Variants in ESR1 observed in about 807,000 individuals in gnomAD.
ESR1 encodes estrogen receptor.
Under a neutral mutation model 52.7 loss-of-function variants are expected in ESR1, and 12 were observed. That is an observed-to-expected ratio of 0.23 (90% CI 0.15 to 0.37). The LOEUF is 0.37. Ranked by LOEUF, ESR1 falls within the 10% of genes least tolerant of loss-of-function variation. ESR1 has a pLI of 1.00. For synonymous variants in ESR1, 305 were observed against 316.8 expected (o/e 0.96, Z 0.39); for missense variants, 584 against 779.7 (o/e 0.75, Z 2.99).
chr6:151,819,225 C>T (rs186023681), intron 1 of ESR1, among the ~76,000 whole-genome samples: 77 of 152,274 alleles, frequency 5.1e-4, no homozygotes, highest in Admixed American at 1.2e-3. Flanking sequence ...AGCACCTTTT[C>T]CCGGTACCTT....
intron 4 of ESR1, among the ~76,000 whole-genome samples, chr6:151,962,428 G>T (rs909137513): frequency 7.9e-5 from 12 of 151,856 alleles, no homozygotes; most frequent in Non-Finnish European, 1.8e-4. Flanking sequence ...TTGCCTGCTT[G>T]GGTGTTGACC....
At chr6:151,823,249 G>A (rs143253185) in intron 1 of ESR1, among the ~76,000 whole-genome samples, 133 of 152,176 alleles carry the variant, frequency 8.7e-4, no homozygotes, top group African/African-American at 3.1e-3. Context: ...TTCTGTTATG[G>A]TGCCCGTTTC....
At chr6:151,725,084 C>G (rs958996415) in intron 2 of ESR1, among the ~76,000 whole-genome samples, 1 of 152,136 alleles carries the variant, frequency 6.6e-6, no homozygotes, top group Non-Finnish European at 1.5e-5. Context: ...TAAGATCTTT[C>G]ATTTTGTGTG....
intron 1 of ESR1, among the ~76,000 whole-genome samples, chr6:151,685,208 A>G (rs998691793): frequency 6.8e-5 from 9 of 132,496 alleles, no homozygotes; most frequent in Non-Finnish European, 1.2e-4. Flanking sequence ...ATCTCGGCTC[A>G]CTGCAAGCTC....
At chr6:151,717,314 C>T (rs959199194) in intron 2 of ESR1, among the ~76,000 whole-genome samples, 3 of 152,060 alleles carry the variant, frequency 2.0e-5, no homozygotes, top group Non-Finnish European at 4.4e-5. Flanking sequence ...CCATCTTGCC[C>T]CTTGGTCTGG....
chr6:151,994,545 C>T (rs549872997), intron 4 of ESR1, among the ~76,000 whole-genome samples: 13 of 152,236 alleles, frequency 8.5e-5, no homozygotes, highest in African/African-American at 2.9e-4. Flanking sequence ...TGAGCTGATG[C>T]CCTAATATGC....
rs866644946 is a variant in ESR1, at chr6:152,032,385, G to C, written c.1235+20591G>C. Among the ~76,000 whole-genome samples, 40 of 152,194 alleles carry C rather than the reference G, an allele frequency of 2.6e-4. 1 individual carries two copies. The highest frequency in any genetic ancestry group is 1.5e-4 in the Non-Finnish European group (10 of 68,042). ...TGCAGATGACATGATTGCATATCTA[G>C]AAAACTCCATCGTCTCAGCGCAAAA... On this transcript the variant is annotated intron_variant, in intron 5 of 7. Coordinates refer to ENST00000206249, the MANE Select transcript of ESR1 (RefSeq NM_000125.4).
intron 1 of ESR1, among the ~76,000 whole-genome samples, chr6:151,670,847 C>G (rs1323170747): frequency 6.7e-6 from 1 of 149,696 alleles, no homozygotes; most frequent in East Asian, 2.0e-4. Flanking sequence ...CGGCTCACTC[C>G]AATATCCGCC....
At chr6:151,771,317 T>C (rs899615953) in intron 2 of ESR1, among the ~76,000 whole-genome samples, 4 of 152,172 alleles carry the variant, frequency 2.6e-5, no homozygotes, top group African/African-American at 9.7e-5. Context: ...AGTAGAAAAA[T>C]TGGGCACTTG....
At chr6:152,110,522 A>G (rs1255619679) in intron 6 of ESR1, among the ~76,000 whole-genome samples, 2 of 152,014 alleles carry the variant, frequency 1.3e-5, no homozygotes, top group African/African-American at 4.8e-5. Flanking sequence ...ACTGGGGCCT[A>G]TCGGGGGGTG....
intron 1 of ESR1, among the ~76,000 whole-genome samples, chr6:151,664,322 G>A (rs966861530): frequency 6.6e-6 from 1 of 152,138 alleles, no homozygotes; most frequent in Non-Finnish European, 1.5e-5. Context: ...AGAGTTTCAA[G>A]TAATTTAAAT....
rs10549103 is a variant in ESR1, at chr6:151,915,847, T to TTC, written c.761-28304_761-28303dup. Among the ~76,000 whole-genome samples the TTC allele has an allele frequency of 3.5e-3, 521 of 149,082 alleles. 3 individuals carry two copies. Among genetic ancestry groups the TTC allele is most frequent in the East Asian group, 9.8e-3 (50 of 5,088 alleles). On this transcript the variant is annotated intron_variant, in intron 3 of 7. Transcript: ENST00000206249. Reference sequence around the variant, plus strand: ...TTTGACTGGAGGCTCCTTTCTCTCTTTCTCTCTCTCTCTCTCTCTCTCTAT... The same window carrying TTC: ...TTTGACTGGAGGCTCCTTTCTCTCTTTCTCTCTCTCTCTCTCTCTCTCTCTAT...
At chr6:151,924,287 C>T (rs765773799) in intron 3 of ESR1, among the ~76,000 whole-genome samples, 17 of 152,118 alleles carry the variant, frequency 1.1e-4, no homozygotes, top group East Asian at 3.9e-4. Flanking sequence ...GTGATCCACC[C>T]GCCCTGGCCT....
At chr6:152,020,750 C>T (rs1487239252) in intron 5 of ESR1, among the ~76,000 whole-genome samples, 1 of 152,088 alleles carries the variant, frequency 6.6e-6, no homozygotes, top group East Asian at 1.9e-4. Context: ...CACACCTGGC[C>T]CATCAGTTCT....
At chr6:152,036,143 C>T (rs1293577040) in intron 5 of ESR1, among the ~76,000 whole-genome samples, 8 of 151,968 alleles carry the variant, frequency 5.3e-5, no homozygotes, top group Non-Finnish European at 8.8e-5. Context: ...AGGCAGATCA[C>T]GAGGTCAGGA....
chr6:152,001,491 C>T (rs1050376363), intron 4 of ESR1, among the ~76,000 whole-genome samples: 3 of 152,010 alleles, frequency 2.0e-5, no homozygotes, highest in Non-Finnish European at 4.4e-5. Context: ...CAACTCTGTA[C>T]ACTGCTACAT....
intron 2 of ESR1, among the ~76,000 whole-genome samples, chr6:151,860,694 T>C (rs981841978): frequency 2.0e-5 from 3 of 152,288 alleles, no homozygotes; most frequent in African/African-American, 7.2e-5. Context: ...AAAAGAAACA[T>C]GCACCTTACT....
intron 2 of ESR1, among the ~76,000 whole-genome samples, chr6:151,787,797 A>T (rs938558402): frequency 6.6e-6 from 1 of 152,080 alleles, no homozygotes; most frequent in Non-Finnish European, 1.5e-5. Flanking sequence ...GCAAATAGGG[A>T]TAGTTTGACT....
chr6:151,895,361 C>T (rs1795333313), intron 3 of ESR1, among the ~76,000 whole-genome samples: 1 of 152,036 alleles, frequency 6.6e-6, no homozygotes, highest in Admixed American at 6.6e-5. Context: ...GTTTGAATTC[C>T]TCTTTACTAA....
Sources: allele counts gnomAD v4.1 joint callset (sites outside exome capture counted in the v4.1 genomes callset), GRCh38; gene constraint gnomAD v4.1.1; transcripts MANE v1.5; gene names NCBI Gene and HGNC (gene_info 2026-07-23, HGNC 2026-07-21).